The following GRIK1 variants were observed in gnomAD, a reference collection of about 807,000 sequenced individuals.
GRIK1 encodes glutamate ionotropic receptor kainate type subunit 1, also known as glutamate receptor ionotropic, kainate 1.
In GRIK1, 69 loss-of-function variants were observed where a neutral mutation model predicts 105.7. The observed-to-expected ratio is 0.65, with a 90% CI of 0.54 to 0.80. GRIK1 has a LOEUF of 0.80. Ranked by LOEUF, GRIK1 falls within the 30% of genes least tolerant of loss-of-function variation. The pLI is 0.00. For missense variants in GRIK1, 1,109 were observed against 1,167.3 expected, an observed-to-expected ratio of 0.95 and a Z score of 0.73; for synonymous variants, 438 against 431.3, an observed-to-expected ratio of 1.02 and a Z score of -0.19.
Position 29,555,271 on chromosome 21 carries a change from A to G in GRIK1, c.2388T>C (p.Ala796=). 6.2e-7 allele frequency: 1 copy of G among 1,613,304 alleles called. No individual in the cohort carries two copies. Among genetic ancestry groups the G allele is most frequent in the Middle Eastern group, 1.7e-4 (1 of 6,058 alleles). The change falls in exon 16 of 18, where the codon GCT becomes GCC. Residue 796 remains alanine, a synonymous_variant. Coordinates refer to ENST00000327783, the MANE Select transcript of GRIK1 (RefSeq NM_001330994.2). ...GSPYRDKITI[A]ILQLQEEGKL... ...TCCCTTCTTCTTGGAGTTGAAGAAT[A>G]GCAATAGTAATTTTATCCCGGTAAG...
intron 7 of GRIK1, among the ~76,000 whole-genome samples, chr21:29,641,212 C>G (rs894544192): frequency 6.6e-6 from 1 of 152,136 alleles, no homozygotes; most frequent in African/African-American, 2.4e-5. Context: ...CAAATCTCAT[C>G]TCGAATTGTA....
chr21:29,660,256 A>G (rs1274007741), intron 4 of GRIK1, among the ~76,000 whole-genome samples: 1 of 152,186 alleles, frequency 6.6e-6, no homozygotes, highest in Non-Finnish European at 1.5e-5. Flanking sequence ...GTTATCATGT[A>G]CGGCCTGAGC....
chr21:29,695,812 C>T (rs930911615), intron 1 of GRIK1, among the ~76,000 whole-genome samples: 1 of 152,074 alleles, frequency 6.6e-6, no homozygotes, highest in Non-Finnish European at 1.5e-5. Flanking sequence ...ATTGAGTGAT[C>T]CCTTACCAAA....
At chr21:29,672,726 G>T (rs1478790926) in intron 4 of GRIK1, among the ~76,000 whole-genome samples, 1 of 152,080 alleles carries the variant, frequency 6.6e-6, no homozygotes, top group African/African-American at 2.4e-5. Flanking sequence ...TCTTCAGCTG[G>T]TAGGAGTCAC....
At position 29,673,064 on chromosome 21, in the gene GRIK1, T is replaced by C; in HGVS notation, c.645A>G (p.Leu215=). 1 of 1,611,156 alleles carries C rather than the reference T, an allele frequency of 6.2e-7. No homozygotes were observed. Among genetic ancestry groups the C allele is most frequent in the African/African-American group, 1.3e-5 (1 of 74,974 alleles). Residue 215 remains leucine, a synonymous_variant, in exon 4 of 18, where the codon TTA becomes TTG. Transcript: ENST00000327783. The part of the protein sequence containing the change: ...LPSGNKDAKP[L]LKEMKKGKEF... Reference sequence around the variant, plus strand: ...CCTTGCCTTTCTTCATCTCCTTGAGTAAAGGCTTGGCATCTTTATTCCCAG... The same window carrying C: ...CCTTGCCTTTCTTCATCTCCTTGAGCAAAGGCTTGGCATCTTTATTCCCAG...
At chr21:29,832,202 G>A (rs1221887376) in intron 1 of GRIK1, among the ~76,000 whole-genome samples, 1 of 152,150 alleles carries the variant, frequency 6.6e-6, no homozygotes, top group African/African-American at 2.4e-5. Flanking sequence ...GATCTGCAGG[G>A]TGCATCCCCC....
At chr21:29,560,306 T>TC (rs1491252813) in intron 15 of GRIK1, among the ~76,000 whole-genome samples, 15 of 112,232 alleles carry the variant, frequency 1.3e-4, no homozygotes, top group African/African-American at 5.8e-4. Context: ...TTTCTTTCTT[T>TC]CTTTCTTTCT....
chr21:29,871,094 C>G (rs1328709181), intron 1 of GRIK1, among the ~76,000 whole-genome samples: 1 of 152,134 alleles, frequency 6.6e-6, no homozygotes, highest in Non-Finnish European at 1.5e-5. Context: ...GCTGCAATCC[C>G]TCTTCTGCTC....
intron 7 of GRIK1, among the ~76,000 whole-genome samples, chr21:29,628,444 C>A (rs74795441): frequency 0.025 from 3,837 of 152,258 alleles, 168 homozygotes; most frequent in African/African-American, 0.088. Flanking sequence ...AATATAATAG[C>A]TTTTCTTGCC....
intron 1 of GRIK1, among the ~76,000 whole-genome samples, chr21:29,832,614 A>G (rs2067674760): frequency 6.6e-6 from 1 of 152,098 alleles, no homozygotes; most frequent in Admixed American, 6.5e-5. Flanking sequence ...GGGTCCTTTT[A>G]GCCATGGCTG....
At chr21:29,622,426 C>T (rs889109883) in intron 7 of GRIK1, among the ~76,000 whole-genome samples, 14 of 152,196 alleles carry the variant, frequency 9.2e-5, no homozygotes, top group Non-Finnish European at 2.1e-4. Context: ...TGTTTCTTCT[C>T]CTACCTATAG....
At position 29,612,102 on chromosome 21, in the gene GRIK1, C is replaced by T. The variant is rs139921281; in HGVS notation, c.1099-13165G>A. On this transcript the variant is annotated intron_variant, in intron 7 of 17. Transcript: ENST00000327783. ...GAGTAGAAACAAAATAAGCCTTCAG[C>T]GTTTTTTGTGCAGTCCTCTTTGCAA... 1.9e-3 allele frequency among the ~76,000 whole-genome samples: 291 copies of T among 152,298 alleles called. 7 individuals carry two copies. The East Asian group carries it at 0.046, about 24-fold the overall frequency.
chr21:29,714,496 G>C (rs1264288775), intron 1 of GRIK1, among the ~76,000 whole-genome samples: 2 of 152,142 alleles, frequency 1.3e-5, no homozygotes, highest in African/African-American at 4.8e-5. Context: ...CAGGACATTT[G>C]GTGCTGAAAC....
At chr21:29,828,381 G>T (rs1382587905) in intron 1 of GRIK1, among the ~76,000 whole-genome samples, 1 of 152,072 alleles carries the variant, frequency 6.6e-6, no homozygotes, top group Non-Finnish European at 1.5e-5. Flanking sequence ...TTTACATGTT[G>T]CTAAATGAAA....
intron 1 of GRIK1, among the ~76,000 whole-genome samples, chr21:29,790,140 C>A (rs1216310442): frequency 6.6e-6 from 1 of 152,168 alleles, no homozygotes; most frequent in African/African-American, 2.4e-5. Context: ...AACTCCACCT[C>A]CCAGGTTCAA....
intron 16 of GRIK1, among the ~76,000 whole-genome samples, chr21:29,549,970 T>C (rs1159055211): frequency 1.3e-5 from 2 of 151,684 alleles, no homozygotes; most frequent in East Asian, 1.9e-4. Context: ...TAGCCAGGCG[T>C]GATGGTGCAC....
intron 1 of GRIK1, among the ~76,000 whole-genome samples, chr21:29,748,488 A>G (rs1190272687): frequency 6.6e-6 from 1 of 152,230 alleles, no homozygotes; most frequent in African/African-American, 2.4e-5. Flanking sequence ...ACCCAAATGC[A>G]TGGCTCCTTT....
At chr21:29,672,348 A>G (rs542374012) in intron 4 of GRIK1, among the ~76,000 whole-genome samples, 21 of 152,052 alleles carry the variant, frequency 1.4e-4, no homozygotes, top group African/African-American at 4.8e-4. Flanking sequence ...CTTAAGACCA[A>G]GTGCTCAGAA....
intron 2 of GRIK1, 21 bp from the exon 3 acceptor site, chr21:29,690,006 G>A: frequency 6.4e-7 from 1 of 1,560,464 alleles, no homozygotes; most frequent in Non-Finnish European, 8.8e-7. Flanking sequence ...AGGACAAGGA[G>A]AGGATGGGGA....
Sources: allele counts gnomAD v4.1 joint callset (sites outside exome capture counted in the v4.1 genomes callset), GRCh38; gene constraint gnomAD v4.1.1; transcripts MANE v1.5; gene names NCBI Gene and HGNC (gene_info 2026-07-23, HGNC 2026-07-21).